The following PCSK5 variants were observed in gnomAD, a reference collection of about 807,000 sequenced individuals.
PCSK5 encodes proprotein convertase subtilisin/kexin type 5, also known as prohormone convertase 5.
PCSK5 carries 129 observed loss-of-function variants against 233.2 expected under a neutral mutation model. The ratio of observed to expected loss-of-function variants is 0.55; its 90% CI spans 0.48 to 0.64. The LOEUF (loss-of-function observed/expected upper bound fraction) is 0.64. Ranked by LOEUF, PCSK5 falls within the 30% of genes least tolerant of loss-of-function variation. The pLI is 0.00. For synonymous variants in PCSK5, 825 were observed against 879.2 expected, an observed-to-expected ratio of 0.94 and a Z score of 1.09; for missense variants, 2,076 against 2,430.1, an observed-to-expected ratio of 0.85 and a Z score of 3.06.
At chr9:75,948,758 C>G (rs1563931314) in intron 2 of PCSK5, among the ~76,000 whole-genome samples, 2 of 152,124 alleles carry the variant, frequency 1.3e-5, no homozygotes. Flanking sequence ...AATGGTTGAA[C>G]TAATTTCCAC....
chr9:76,227,595 C>A lies in PCSK5; in HGVS notation c.2719C>A (p.Pro907Thr), dbSNP rs1825939329. The A allele has an allele frequency of 1.9e-6, 3 of 1,607,114 alleles. No individual in the cohort carries two copies. The highest frequency in any genetic ancestry group is 2.2e-5 in the East Asian group (1 of 44,738). Residue 907 changes from proline to threonine, a missense_variant, in exon 21 of 38, where the codon CCC (proline) becomes ACC (threonine). This residue lies in a region of PCSK5 where 1,510 missense variants were observed against 1,538.1 expected (regional missense o/e 0.98). Transcript: ENST00000674117. ...AACCCAGGAAGACTGCACTACCTGC[C>A]CCATGACAAGGTAAGTGGCTTCTCA... The part of the protein sequence containing the change: ...GPTQEDCTTC[P>T]MTRIFDDGRC...
intron 24 of PCSK5, among the ~76,000 whole-genome samples, chr9:76,254,994 T>C (rs142773614): frequency 7.2e-5 from 11 of 152,302 alleles, no homozygotes; most frequent in Non-Finnish European, 1.3e-4. Context: ...AGTATTTTTT[T>C]AAAACGCCCT....
At chr9:76,308,394 TTGTGGTACCACACATTCG>T (rs1036321598) in intron 28 of PCSK5, among the ~76,000 whole-genome samples, 5 of 152,240 alleles carry the variant, frequency 3.3e-5, no homozygotes, top group Admixed American at 2.6e-4. Context: ...ACCACATTCC[TTGTGGTACCACACATTCG>T]TGTGGTATCT....
intron 35 of PCSK5, among the ~76,000 whole-genome samples, chr9:76,348,946 T>G (rs577958683): frequency 6.6e-6 from 1 of 152,208 alleles, no homozygotes; most frequent in South Asian, 2.1e-4. Flanking sequence ...ATGTTAAAAA[T>G]TGAAGTAAGA....
intron 2 of PCSK5, among the ~76,000 whole-genome samples, chr9:75,946,076 A>G (rs1824552835): frequency 6.6e-6 from 1 of 152,220 alleles, no homozygotes; most frequent in South Asian, 2.1e-4. Flanking sequence ...CTGGAACAAT[A>G]TCCAGCACAT....
intron 5 of PCSK5, among the ~76,000 whole-genome samples, chr9:76,061,570 G>A (rs1035379720): frequency 4.2e-4 from 64 of 152,130 alleles, no homozygotes; most frequent in African/African-American, 1.5e-3. Context: ...GAAGACTAAT[G>A]AAGGATTATA....
chr9:76,322,018 C>T (rs1460358027), intron 31 of PCSK5, among the ~76,000 whole-genome samples: 1 of 152,104 alleles, frequency 6.6e-6, no homozygotes, highest in East Asian at 1.9e-4. Context: ...GGCTCAATCT[C>T]AGCTCACTGC....
At chr9:76,218,645 A>T (rs182543426) in intron 20 of PCSK5, among the ~76,000 whole-genome samples, 229 of 151,500 alleles carry the variant, frequency 1.5e-3, no homozygotes, top group Non-Finnish European at 2.6e-3. Flanking sequence ...TTCTCATTTG[A>T]TCCCCACCAC....
chr9:76,350,776 A>G (rs1830100269), intron 35 of PCSK5, 52 bp from the exon 36 acceptor site: 1 of 1,066,196 alleles, frequency 9.4e-7, no homozygotes, highest in African/African-American at 1.6e-5. Flanking sequence ...GAACAAAGAC[A>G]GAAGTTGAAA....
chr9:76,320,428 CAAAAAAAAAAAAAGA>C (rs1203011254), intron 30 of PCSK5, among the ~76,000 whole-genome samples: 1 of 57,338 alleles, frequency 1.7e-5, no homozygotes. Flanking sequence ...GACTCTGTCT[CAAAAAAAAAAAAAGA>C]AAAAAAAAAA....
chr9:76,326,845 G>T (rs1046206146), intron 32 of PCSK5, among the ~76,000 whole-genome samples: 1 of 104,526 alleles, frequency 9.6e-6, no homozygotes, highest in Non-Finnish European at 2.3e-5. Context: ...GTGCAGGACA[G>T]GGAGATAGGC....
chr9:76,323,748 C>A (rs191534649), intron 32 of PCSK5, among the ~76,000 whole-genome samples: 71 of 152,244 alleles, frequency 4.7e-4, no homozygotes, highest in African/African-American at 1.7e-3. Flanking sequence ...TTATTAGTGA[C>A]AAATCACGTG....
At chr9:76,292,422 T>G (rs1828307080) in intron 25 of PCSK5, 147 bp downstream of exon 25, 1 of 630,584 alleles carries the variant, frequency 1.6e-6, no homozygotes. Flanking sequence ...AATTCTTGGA[T>G]TTAGCAATAA....
At chr9:76,003,880 C>T (rs567770398) in intron 3 of PCSK5, among the ~76,000 whole-genome samples, 1 of 152,262 alleles carries the variant, frequency 6.6e-6, no homozygotes, top group Non-Finnish European at 1.5e-5. Context: ...GTGATCACGG[C>T]TCACTGCAGC....
At chr9:76,114,502 A>G (rs953711516) in intron 9 of PCSK5, among the ~76,000 whole-genome samples, 4 of 152,072 alleles carry the variant, frequency 2.6e-5, no homozygotes, top group African/African-American at 4.8e-5. Context: ...AGAGATGTCT[A>G]TTATAACTGG....
chr9:75,965,108 A>G (rs943580397), intron 2 of PCSK5, among the ~76,000 whole-genome samples: 1 of 152,222 alleles, frequency 6.6e-6, no homozygotes, highest in Non-Finnish European at 1.5e-5. Flanking sequence ...ATCCTGCCCC[A>G]AAGGCAAAGC....
chr9:76,088,512 G>A (rs1297190246), intron 7 of PCSK5, among the ~76,000 whole-genome samples: 1 of 152,166 alleles, frequency 6.6e-6, no homozygotes, highest in Non-Finnish European at 1.5e-5. Flanking sequence ...AGAGAAACCT[G>A]GATACTCTCT....
intron 1 of PCSK5, among the ~76,000 whole-genome samples, chr9:75,910,743 G>A (rs554100086): frequency 2.6e-5 from 4 of 152,182 alleles, no homozygotes; most frequent in African/African-American, 7.2e-5. Flanking sequence ...TTGTGCCTTC[G>A]CTGAGGGCCA....
intron 13 of PCSK5, among the ~76,000 whole-genome samples, chr9:76,172,587 T>C (rs980531217): frequency 3.9e-5 from 6 of 152,332 alleles, no homozygotes; most frequent in Admixed American, 3.3e-4. Context: ...GGGTAAACTT[T>C]TGCATCCAAA....
Sources: allele counts gnomAD v4.1 joint callset (sites outside exome capture counted in the v4.1 genomes callset), GRCh38; gene constraint gnomAD v4.1.1; regional missense constraint gnomAD v4.1.1; transcripts MANE v1.5; gene names NCBI Gene and HGNC (gene_info 2026-07-23, HGNC 2026-07-21).